Variants in RIC3 observed in about 807,000 individuals in gnomAD.
RIC3 encodes the protein protein RIC-3.
Under a neutral mutation model 27.3 loss-of-function variants are expected in RIC3, and 28 were observed. That is an observed-to-expected ratio of 1.02 (90% CI 0.76 to 1.41). The LOEUF is 1.41. Ranked by LOEUF, RIC3 falls within the 40% of genes most tolerant of loss-of-function variation. The probability of loss-of-function intolerance (pLI) is 0.00; values close to 1 mark genes in which losing one functional copy is unlikely to be tolerated. For synonymous variants in RIC3, 184 were observed against 160.4 expected (o/e 1.15, Z -1.11); for missense variants, 501 against 444.7 (o/e 1.13, Z -1.14).
the RIC3 span, chr11:8,100,840 G>A: frequency 6.2e-7 from 1 of 1,614,098 alleles, no homozygotes; most frequent in Non-Finnish European, 8.5e-7. Flanking sequence ...ATGAGACACT[G>A]CTAGCACGCT....
chr11:8,156,481 T>C lies in RIC3; in HGVS notation c.124+12385A>G, dbSNP rs991063475. On this transcript the variant is annotated intron_variant, in intron 1 of 5. Coordinates refer to ENST00000309737, the MANE Select transcript of RIC3 (RefSeq NM_001206671.4). The stretch of plus-strand genomic sequence containing the variant: ...ATATATACAAAGCACCTAGCACATA[T>C]AGTAGGTATTTAACAAATTCTGATT... 3.9e-5 allele frequency among the ~76,000 whole-genome samples: 6 copies of C among 152,306 alleles called. No homozygotes were observed. In the South Asian group the frequency reaches 1.0e-3, roughly 26 times the overall value.
At chr11:8,154,095 A>C (rs1950469227) in intron 1 of RIC3, among the ~76,000 whole-genome samples, 1 of 152,146 alleles carries the variant, frequency 6.6e-6, no homozygotes, top group Admixed American at 6.5e-5. Context: ...TTCTAGTGGG[A>C]ATTTTTTTTT....
downstream of RIC3, chr11:8,101,903 T>C: frequency 2.4e-6 from 1 of 410,486 alleles, no homozygotes; most frequent in Non-Finnish European, 4.4e-6. Context: ...TAGTGTGTTG[T>C]AGTCGTACTT....
At chr11:8,104,648 G>A, downstream of RIC3, 1 of 152,204 alleles carries the variant, frequency 6.6e-6, no homozygotes, top group Non-Finnish European at 1.5e-5. Flanking sequence ...TTCTGAGTCA[G>A]AGGACACCAT....
the RIC3 span, among the ~76,000 whole-genome samples, chr11:8,095,211 T>C: frequency 5.3e-5 from 8 of 152,132 alleles, no homozygotes; most frequent in African/African-American, 1.9e-4. Flanking sequence ...CACTGTGCAG[T>C]TGGTTTTGTA....
chr11:8,101,894 A>AGT (rs766505202), downstream of RIC3: 4 of 454,212 alleles, frequency 8.8e-6, no homozygotes, highest in African/African-American at 2.0e-5. Context: ...TTGGGGTAGT[A>AGT]GTGTGTTGTA....
intron 1 of RIC3, among the ~76,000 whole-genome samples, chr11:8,155,628 TA>T (rs1398425964): frequency 6.6e-6 from 1 of 152,174 alleles, no homozygotes; most frequent in Non-Finnish European, 1.5e-5. Flanking sequence ...TTTCCTTTGT[TA>T]ATAACCATAC....
downstream of RIC3, chr11:8,103,970 A>G (rs1157337125): frequency 6.6e-6 from 1 of 152,236 alleles, no homozygotes; most frequent in Non-Finnish European, 1.5e-5. Context: ...TGAGCTTTCT[A>G]GCCTAAGTGT....
intron 5 of RIC3, among the ~76,000 whole-genome samples, chr11:8,118,240 A>G (rs1946078811): frequency 6.6e-6 from 1 of 151,196 alleles, no homozygotes. Context: ...AAAAAAAAAA[A>G]AAAGACCATC....
At chr11:8,094,797 A>G in the RIC3 span, among the ~76,000 whole-genome samples, 1 of 152,192 alleles carries the variant, frequency 6.6e-6, no homozygotes, top group Admixed American at 6.5e-5. Flanking sequence ...GTTCACGGAC[A>G]GTGGTTTCCA....
chr11:8,140,867 G>A (rs1948976641), intron 1 of RIC3, among the ~76,000 whole-genome samples: 1 of 151,420 alleles, frequency 6.6e-6, no homozygotes, highest in African/African-American at 2.4e-5. Context: ...AGAGAGTGGG[G>A]GCCAATATTC....
At chr11:8,093,164 A>T in the RIC3 span, among the ~76,000 whole-genome samples, 3 of 151,886 alleles carry the variant, frequency 2.0e-5, no homozygotes, top group South Asian at 6.3e-4. Context: ...ACCTGCTCTG[A>T]CGAGGGAGGC....
chr11:8,097,647 G>A, the RIC3 span: 2 of 1,414,124 alleles, frequency 1.4e-6, no homozygotes, highest in Non-Finnish European at 2.0e-6. Flanking sequence ...GTCTGTGTGA[G>A]TGGCTCTCAT....
chr11:8,101,353 C>T, downstream of RIC3: 1 of 1,234,080 alleles, frequency 8.1e-7, no homozygotes, highest in South Asian at 1.4e-5. Context: ...TTTTACTTCC[C>T]TTTGTGATTC....
At chr11:8,096,554 T>G in the RIC3 span, 1 of 714,290 alleles carries the variant, frequency 1.4e-6, no homozygotes, top group Middle Eastern at 2.4e-4. Context: ...TAGATATGGC[T>G]AAGAGTGTGT....
intron 1 of RIC3, among the ~76,000 whole-genome samples, chr11:8,141,065 C>T (rs1248111480): frequency 1.3e-5 from 2 of 148,412 alleles, no homozygotes; most frequent in East Asian, 2.0e-4. Context: ...CGGTACCAGC[C>T]GCTGCAAAAT....
At chr11:8,147,961 A>G (rs752302829) in intron 1 of RIC3, among the ~76,000 whole-genome samples, 8 of 152,064 alleles carry the variant, frequency 5.3e-5, no homozygotes, top group Non-Finnish European at 1.2e-4. Context: ...TCCTGACCTC[A>G]TGATCTGCCC....
rs190752905 is a variant in RIC3, at chr11:8,138,271, C to A, written c.427+1G>T. 2 of 1,608,534 alleles carry A rather than the reference C, an allele frequency of 1.2e-6. No individual in the cohort carries two copies. The highest frequency in any genetic ancestry group is 1.7e-5 in the Admixed American group (1 of 59,996). On this transcript the variant is annotated splice_donor_variant, in intron 3 of 5. Transcript: ENST00000309737. LOFTEE classifies it high-confidence loss of function. ...TGAATATACTGAGAAGGGGCACTTA[C>A]TAATTTTCCTGTGGGTGTTTCCAGG...
chr11:8,136,505 C>A (rs1272426287), intron 4 of RIC3, among the ~76,000 whole-genome samples: 1 of 152,184 alleles, frequency 6.6e-6, no homozygotes, highest in Admixed American at 6.5e-5. Flanking sequence ...TCCACGTTTT[C>A]TTGGTTGTTG....
Sources: gnomAD v4.1 joint callset for allele counts (sites outside exome capture counted in the v4.1 genomes callset) on GRCh38, gnomAD v4.1.1 for gene constraint, MANE v1.5 for transcripts, NCBI Gene and HGNC (gene_info 2026-07-23, HGNC 2026-07-21) for gene names.